The following TDRD12 variants were observed in gnomAD, a reference collection of about 807,000 sequenced individuals.
TDRD12 encodes putative ATP-dependent RNA helicase TDRD12.
In TDRD12, 158 loss-of-function variants were observed where a neutral mutation model predicts 133.5. That is an observed-to-expected ratio of 1.18 (90% confidence interval 1.04 to 1.35). The LOEUF (loss-of-function observed/expected upper bound fraction) is 1.35. Among genes scored for constraint, TDRD12 ranks in the 40% most tolerant of loss-of-function variants. The probability of loss-of-function intolerance (pLI) is 0.00; values close to 1 mark genes in which losing one functional copy is unlikely to be tolerated. For missense variants in TDRD12, 1,443 were observed against 1,321.3 expected, an observed-to-expected ratio of 1.09 and a Z score of -1.43; for synonymous variants, 460 against 477.9, an observed-to-expected ratio of 0.96 and a Z score of 0.49.
chr19:32,723,727 T>G (rs1447166534), intron 1 of TDRD12, among the ~76,000 whole-genome samples: 1 of 150,052 alleles, frequency 6.7e-6, no homozygotes, highest in Non-Finnish European at 1.5e-5. Flanking sequence ...TTCAGAGAAA[T>G]ATATATTAAT....
chr19:32,758,759 A>AC (rs1970066462), intron 8 of TDRD12, among the ~76,000 whole-genome samples: 1 of 151,598 alleles, frequency 6.6e-6, no homozygotes, highest in Non-Finnish European at 1.5e-5. Flanking sequence ...ATATGGTGAA[A>AC]CCCCGTCTCT....
intron 6 of TDRD12, 120 bp from the exon 7 acceptor site, chr19:32,755,872 T>G: frequency 2.7e-6 from 2 of 729,558 alleles, no homozygotes; most frequent in Non-Finnish European, 2.0e-6. Flanking sequence ...TTCTCTCAGA[T>G]TATGTTCTGT....
intron 26 of TDRD12, among the ~76,000 whole-genome samples, chr19:32,816,754 G>A (rs567571840): frequency 1.3e-4 from 20 of 152,312 alleles, no homozygotes; most frequent in South Asian, 1.0e-3. Flanking sequence ...CAGTCACTCC[G>A]AGGAGGGATC....
intron 11 of TDRD12, among the ~76,000 whole-genome samples, chr19:32,781,442 C>T (rs1399907778): frequency 6.6e-6 from 1 of 152,174 alleles, no homozygotes; most frequent in Non-Finnish European, 1.5e-5. Context: ...TTTTCCAGAT[C>T]ATCCATCTTC....
intron 5 of TDRD12, 100 bp downstream of exon 5, chr19:32,748,631 A>C: frequency 8.1e-7 from 1 of 1,240,310 alleles, no homozygotes; most frequent in South Asian, 1.5e-5. Context: ...CTGTTGGCCA[A>C]ACGGCCCTCC....
At chr19:32,790,938 G>GT (rs1424693577) in intron 12 of TDRD12, 26 bp from the exon 13 acceptor site, 1 of 1,529,898 alleles carries the variant, frequency 6.5e-7, no homozygotes, top group African/African-American at 1.4e-5. Flanking sequence ...GCAGACACTG[G>GT]TTGTCTAATG....
intron 16 of TDRD12, among the ~76,000 whole-genome samples, chr19:32,799,637 G>T (rs1382277877): frequency 6.6e-6 from 1 of 150,742 alleles, no homozygotes; most frequent in African/African-American, 2.4e-5. Context: ...TATTTACCAA[G>T]ATATTGCTTA....
intron 1 of TDRD12, among the ~76,000 whole-genome samples, chr19:32,721,015 C>T (rs952569456): frequency 6.6e-6 from 1 of 152,142 alleles, no homozygotes; most frequent in Non-Finnish European, 1.5e-5. Context: ...CCGTACTCCA[C>T]GGGGCCCTTA....
rs1971271448 is a variant in TDRD12 at position 32,797,724 on chromosome 19, T to C, written c.1474-11T>C. ...CTGTCTGGAGTCATTTGAATTTGTC[T>C]GTCTTCGCAGCCTCTCGCAGTCATC... On this transcript the variant is annotated splice_polypyrimidine_tract_variant and intron_variant, in intron 14 of 27. Transcript: ENST00000444215. The C allele has an allele frequency of 1.5e-6, 1 of 657,822 alleles. No homozygotes were observed. The highest frequency in any genetic ancestry group is 2.7e-5 in the East Asian group (1 of 36,740). 40.7% of individuals were successfully genotyped at this position (657,822 alleles called of 1,614,324 possible). A position where few individuals can be genotyped will look rare whatever the true frequency, so the allele number is the denominator to read the frequency against.
chr19:32,790,002 CAAAA>C (rs1229916207), intron 11 of TDRD12, among the ~76,000 whole-genome samples: 1 of 144,448 alleles, frequency 6.9e-6, no homozygotes, highest in Non-Finnish European at 1.5e-5. Flanking sequence ...AACTCCATCT[CAAAA>C]AAAAAAGAAA....
chr19:32,777,431 T>C (rs1213327121), intron 11 of TDRD12, among the ~76,000 whole-genome samples: 1 of 152,116 alleles, frequency 6.6e-6, no homozygotes, highest in Non-Finnish European at 1.5e-5. Flanking sequence ...TAAAGCTTTG[T>C]TCCAGTGTAA....
chr19:32,746,727 A>G (rs1344269456), intron 4 of TDRD12, among the ~76,000 whole-genome samples: 2 of 136,986 alleles, frequency 1.5e-5, no homozygotes, highest in East Asian at 4.6e-4. Flanking sequence ...AGACTGGCTG[A>G]TGTGGTTATT....
At chr19:32,823,188 C>CAG (rs1390959851), downstream of TDRD12, among the ~76,000 whole-genome samples, 1 of 152,190 alleles carries the variant, frequency 6.6e-6, no homozygotes, top group Non-Finnish European at 1.5e-5. Context: ...CTGAGAGCCC[C>CAG]AGAGGGTGGT....
chr19:32,748,487 A>C (rs1430558940), exon 5 of TDRD12: 1 of 1,551,826 alleles, frequency 6.4e-7, no homozygotes, highest in Non-Finnish European at 8.7e-7. Flanking sequence ...CCTGCCAAGA[A>C]GTGGGACAAT....
At chr19:32,814,809 C>T (rs777888289) in intron 25 of TDRD12, among the ~76,000 whole-genome samples, 13 of 152,188 alleles carry the variant, frequency 8.5e-5, no homozygotes, top group Admixed American at 2.0e-4. Flanking sequence ...ACACATTCCC[C>T]GGTGGACACA....
chr19:32,755,213 A>T (rs1568460757), intron 6 of TDRD12, among the ~76,000 whole-genome samples: 1 of 152,202 alleles, frequency 6.6e-6, no homozygotes, highest in Admixed American at 6.5e-5. Context: ...ACAGATATTT[A>T]TGTACAAGTC....
At chr19:32,748,639 T>C in intron 5 of TDRD12, 108 bp downstream of exon 5, 1 of 1,109,466 alleles carries the variant, frequency 9.0e-7, no homozygotes, top group South Asian at 1.6e-5. Flanking sequence ...CAAACGGCCC[T>C]CCTCAGAGGA....
intron 1 of TDRD12, among the ~76,000 whole-genome samples, chr19:32,730,184 C>T (rs912579297): frequency 2.1e-4 from 32 of 152,294 alleles, no homozygotes; most frequent in African/African-American, 7.5e-4. Context: ...TGTTCTTATG[C>T]AGACTTTAGG....
intron 8 of TDRD12, among the ~76,000 whole-genome samples, chr19:32,757,930 G>A (rs1017117119): frequency 6.6e-6 from 1 of 152,178 alleles, no homozygotes; most frequent in Admixed American, 6.5e-5. Flanking sequence ...CTTTGGTAAT[G>A]TTGCTTATCA....
Sources: allele counts gnomAD v4.1 joint callset (sites outside exome capture counted in the v4.1 genomes callset), GRCh38; gene constraint gnomAD v4.1.1; transcripts MANE v1.5; gene names NCBI Gene and HGNC (gene_info 2026-07-23, HGNC 2026-07-21).